The following LHFPL3 variants were observed in gnomAD, a reference collection of about 807,000 sequenced individuals.
The protein encoded by LHFPL3 is LHFPL tetraspan subfamily member 3, also known as LHFPL tetraspan subfamily member 3 protein.
LHFPL3 carries 5 observed loss-of-function variants against 19.3 expected under a neutral mutation model. That is an observed-to-expected ratio of 0.26 (90% CI 0.14 to 0.54). LHFPL3 has a LOEUF of 0.54. Among genes scored for constraint, LHFPL3 ranks in the 20% least tolerant of loss-of-function variants. The probability of loss-of-function intolerance (pLI) is 0.94; values close to 1 mark genes in which losing one functional copy is unlikely to be tolerated. For missense variants in LHFPL3, 249 were observed against 307.4 expected, an observed-to-expected ratio of 0.81 and a Z score of 1.42; for synonymous variants, 133 against 126.2, an observed-to-expected ratio of 1.05 and a Z score of -0.36.
chr7:104,847,380 G>C (rs978156021), intron 2 of LHFPL3, among the ~76,000 whole-genome samples: 1 of 152,230 alleles, frequency 6.6e-6, no homozygotes, highest in African/African-American at 2.4e-5. Flanking sequence ...ACATATGCCA[G>C]CTTTCAGCAG....
intron 1 of LHFPL3, among the ~76,000 whole-genome samples, chr7:104,379,532 A>G (rs1012076616): frequency 6.6e-6 from 1 of 152,224 alleles, no homozygotes; most frequent in African/African-American, 2.4e-5. Flanking sequence ...GTATGTCTTA[A>G]CAAATATTGG....
intron 1 of LHFPL3, among the ~76,000 whole-genome samples, chr7:104,720,563 C>T (rs1793470333): frequency 6.6e-6 from 1 of 152,116 alleles, no homozygotes; most frequent in Admixed American, 6.6e-5. Flanking sequence ...AACTAAAGAG[C>T]TTCTGCACAG....
chr7:104,546,635 CATTAA>C lies in LHFPL3; in HGVS notation c.446-190033_446-190029del, dbSNP rs534650674. Among the ~76,000 whole-genome samples the C allele has an allele frequency of 1.4e-4, 21 of 152,278 alleles. 1 individual carries two copies. Among genetic ancestry groups the C allele is most frequent in the Admixed American group, 4.6e-4 (7 of 15,288 alleles). On this transcript the variant is annotated intron_variant, in intron 1 of 2. Coordinates refer to ENST00000424859, the MANE Select transcript of LHFPL3 (RefSeq NM_199000.3). ...TATTGCTAATGTTCTTAATATAGCA[CATTAA>C]ATTAAAGAGTCACTGTAGCTGTACA...
chr7:104,642,226 CAG>C (rs1791850534), intron 1 of LHFPL3, among the ~76,000 whole-genome samples: 1 of 151,916 alleles, frequency 6.6e-6, no homozygotes, highest in Admixed American at 6.6e-5. Context: ...TTAGTAGAGA[CAG>C]GGTTTCAGCA....
intron 1 of LHFPL3, among the ~76,000 whole-genome samples, chr7:104,714,874 TTG>T (rs1562971343): frequency 1.3e-5 from 2 of 151,922 alleles, no homozygotes; most frequent in Non-Finnish European, 2.9e-5. Flanking sequence ...AGGGATGCGT[TTG>T]TGTGTGTGTG....
chr7:104,417,935 T>A (rs1351637114), intron 1 of LHFPL3, among the ~76,000 whole-genome samples: 4 of 147,064 alleles, frequency 2.7e-5, no homozygotes, highest in African/African-American at 1.0e-4. Flanking sequence ...CAGTCTGGAG[T>A]GTAATGGTGC....
intron 1 of LHFPL3, among the ~76,000 whole-genome samples, chr7:104,725,139 T>C (rs1793566197): frequency 6.6e-6 from 1 of 152,242 alleles, no homozygotes; most frequent in South Asian, 2.1e-4. Flanking sequence ...CTTGCCATTC[T>C]TATTCTCCTG....
intron 2 of LHFPL3, among the ~76,000 whole-genome samples, chr7:104,864,853 G>T (rs903028600): frequency 3.9e-5 from 6 of 152,174 alleles, no homozygotes; most frequent in African/African-American, 1.4e-4. Context: ...ACCTCACACG[G>T]CCGGGTACTC....
At chr7:104,570,113 GC>G (rs1562937963) in intron 1 of LHFPL3, among the ~76,000 whole-genome samples, 1 of 152,178 alleles carries the variant, frequency 6.6e-6, no homozygotes, top group Non-Finnish European at 1.5e-5. Context: ...TGTTATGAAA[GC>G]TATACTTTGT....
intron 1 of LHFPL3, among the ~76,000 whole-genome samples, chr7:104,528,008 T>C (rs1794222641): frequency 6.6e-6 from 1 of 152,202 alleles, no homozygotes; most frequent in Non-Finnish European, 1.5e-5. Flanking sequence ...ATCTCTATCT[T>C]CCTCCATCTC....
At chr7:104,510,380 A>T (rs1793786081) in intron 1 of LHFPL3, among the ~76,000 whole-genome samples, 1 of 152,142 alleles carries the variant, frequency 6.6e-6, no homozygotes, top group African/African-American at 2.4e-5. Context: ...GGAGGGACAG[A>T]CACACAGATC....
chr7:104,854,175 G>T (rs542640831), intron 2 of LHFPL3, among the ~76,000 whole-genome samples: 7 of 152,290 alleles, frequency 4.6e-5, no homozygotes, highest in Admixed American at 3.9e-4. Context: ...TTTAAGTTCA[G>T]GCTTAAATAC....
At chr7:104,330,109 A>C (rs189216055) in intron 1 of LHFPL3, among the ~76,000 whole-genome samples, 226 of 152,294 alleles carry the variant, frequency 1.5e-3, no homozygotes, top group African/African-American at 5.3e-3. Flanking sequence ...TTAACCCAGA[A>C]AGGATGGGGT....
chr7:104,781,511 C>A (rs79713940), intron 2 of LHFPL3, among the ~76,000 whole-genome samples: 2,674 of 152,174 alleles, frequency 0.018, 77 homozygotes, highest in African/African-American at 0.06. Flanking sequence ...CCTCTCTTCA[C>A]CCTCTCCTGC....
intron 2 of LHFPL3, among the ~76,000 whole-genome samples, chr7:104,738,424 GAA>G (rs1793870225): frequency 6.6e-6 from 1 of 152,128 alleles, no homozygotes; most frequent in Non-Finnish European, 1.5e-5. Flanking sequence ...TTTTTCAAAA[GAA>G]TGAATTAAAT....
At chr7:104,789,248 T>C (rs1251558938) in intron 2 of LHFPL3, among the ~76,000 whole-genome samples, 1 of 152,152 alleles carries the variant, frequency 6.6e-6, no homozygotes, top group Non-Finnish European at 1.5e-5. Flanking sequence ...TCTCTCCCTC[T>C]TTCGCACACA....
chr7:104,873,699 T>C (rs1584590345), intron 2 of LHFPL3, among the ~76,000 whole-genome samples: 1 of 152,314 alleles, frequency 6.6e-6, no homozygotes, highest in East Asian at 1.9e-4. Flanking sequence ...AATATATGAA[T>C]GTGCTCATAC....
At chr7:104,595,864 G>C (rs950150655) in intron 1 of LHFPL3, among the ~76,000 whole-genome samples, 1 of 152,270 alleles carries the variant, frequency 6.6e-6, no homozygotes, top group Admixed American at 6.5e-5. Context: ...GGGCACTGCT[G>C]AGCCAGGCAT....
At chr7:104,392,066 C>T (rs1791083283) in intron 1 of LHFPL3, among the ~76,000 whole-genome samples, 2 of 152,166 alleles carry the variant, frequency 1.3e-5, no homozygotes, top group South Asian at 4.1e-4. Context: ...AGTTGCTTAT[C>T]AGCTTAAGGA....
Sources: gnomAD v4.1 joint callset for allele counts (sites outside exome capture counted in the v4.1 genomes callset) on GRCh38, gnomAD v4.1.1 for gene constraint, MANE v1.5 for transcripts, NCBI Gene and HGNC (gene_info 2026-07-23, HGNC 2026-07-21) for gene names.